The following INPP5D variants were observed in gnomAD, a reference collection of about 807,000 sequenced individuals.
INPP5D encodes phosphatidylinositol 3,4,5-trisphosphate 5-phosphatase 1.
INPP5D carries 33 observed loss-of-function variants against 122.9 expected under a neutral mutation model. The ratio of observed to expected loss-of-function variants is 0.27; its 90% CI spans 0.20 to 0.36. The LOEUF (loss-of-function observed/expected upper bound fraction) is 0.36, where lower values mean the gene tolerates loss of function less well. Ranked by LOEUF, INPP5D falls within the 10% of genes least tolerant of loss-of-function variation. The pLI is 1.00. For missense variants in INPP5D, 1,053 were observed against 1,412.7 expected, an observed-to-expected ratio of 0.75 and a Z score of 4.08; for synonymous variants, 584 against 576.2, an observed-to-expected ratio of 1.01 and a Z score of -0.19.
chr2:233,184,395 TC>T lies in INPP5D; in HGVS notation c.2162-9del. 1.2e-6 allele frequency: 2 copies of T among 1,613,514 alleles called. No homozygotes were observed. Among genetic ancestry groups the T allele is most frequent in the Non-Finnish European group, 1.7e-6 (2 of 1,179,726 alleles). ...ACATTGTGGAACTGAATCCGTGTTC[TC>T]CCCTGTTCCAGGTCCCGGGACTGTT... On this transcript the variant is annotated splice_polypyrimidine_tract_variant and intron_variant, in intron 19 of 26. Coordinates refer to ENST00000445964, the MANE Select transcript of INPP5D (RefSeq NM_001017915.3).
In INPP5D at chr2:233,146,411, C is replaced by T. The variant is rs545697179; in HGVS notation, c.879C>T (p.Pro293=). The T allele has an allele frequency of 1.7e-5, 12 of 704,318 alleles. No individual in the cohort carries two copies. In the East Asian group the frequency reaches 3.2e-4, roughly 19 times the overall value. 43.6% of individuals were successfully genotyped at this position (704,318 alleles called of 1,614,324 possible). Residue 293 remains proline, a synonymous_variant, in exon 8 of 27, where the codon CCC becomes CCT. Coordinates refer to ENST00000445964, the MANE Select transcript of INPP5D (RefSeq NM_001017915.3). ...LHEGPESPHR[P]SLIPPVTFEV... is the part of the protein sequence containing the mutation. Reference sequence around the variant, plus strand: ...AGGGTCCTGAGTCTCCGCACCGGCCCTCCCTTATCCCTCCAGTCACCTTTG... The same window carrying T: ...AGGGTCCTGAGTCTCCGCACCGGCCTTCCCTTATCCCTCCAGTCACCTTTG...
chr2:233,176,085 G>A (rs1392713127), intron 17 of INPP5D, among the ~76,000 whole-genome samples: 1 of 152,216 alleles, frequency 6.6e-6, no homozygotes, highest in Non-Finnish European at 1.5e-5. Context: ...GTTCCTTTAT[G>A]TTTGTAGACA....
intron 9 of INPP5D, among the ~76,000 whole-genome samples, chr2:233,152,281 A>T (rs1420934376): frequency 6.6e-6 from 1 of 152,150 alleles, no homozygotes; most frequent in Non-Finnish European, 1.5e-5. Context: ...TGGTTGCAAG[A>T]GTTGGAGCTT....
intron 2 of INPP5D, among the ~76,000 whole-genome samples, chr2:233,118,657 T>C (rs1653719735): frequency 6.6e-6 from 1 of 151,776 alleles, no homozygotes; most frequent in African/African-American, 2.4e-5. Context: ...GGGTGCTTCC[T>C]GCGGGCCCAC....
Position 233,193,887 on chromosome 2 carries a change from G to C in INPP5D, c.2522G>C (p.Gly841Ala). ...ATCTACACGCCTCTCACCCACCATGGGGAGTTGACAGGCCACTTCCAGGGG... is the reference window on the plus strand; with the variant it reads ...ATCTACACGCCTCTCACCCACCATGCGGAGTTGACAGGCCACTTCCAGGGG... ...LPIYTPLTHH[G>A]ELTGHFQGEI... The change falls in exon 23 of 27, where the codon GGG becomes GCG. Residue 841 changes from glycine (G) to alanine (A), a missense_variant. Transcript: ENST00000445964. The C allele has an allele frequency of 6.2e-7, 1 of 1,613,928 alleles. No individual in the cohort carries two copies.
chr2:233,196,053 G>T (rs1032678899), intron 24 of INPP5D, among the ~76,000 whole-genome samples: 2 of 152,208 alleles, frequency 1.3e-5, no homozygotes, highest in African/African-American at 2.4e-5. Context: ...CAGCCCAAAA[G>T]GCTGAGGCTG....
chr2:233,063,913 G>A (rs1691141738), intron 1 of INPP5D, among the ~76,000 whole-genome samples: 1 of 152,280 alleles, frequency 6.6e-6, no homozygotes, highest in Non-Finnish European at 1.5e-5. Flanking sequence ...GGTACATCGT[G>A]GGTGGGAGAC....
At chr2:233,110,220 T>C (rs1692582767) in intron 2 of INPP5D, among the ~76,000 whole-genome samples, 1 of 151,790 alleles carries the variant, frequency 6.6e-6, no homozygotes, top group Non-Finnish European at 1.5e-5. Flanking sequence ...CCTGACTAAT[T>C]TTTTTTGTAT....
intron 9 of INPP5D, among the ~76,000 whole-genome samples, chr2:233,156,325 C>G (rs893861954): frequency 7.2e-5 from 11 of 152,220 alleles, no homozygotes; most frequent in African/African-American, 2.2e-4. Flanking sequence ...GAGTCTCACT[C>G]TGTCGCCAGG....
intron 17 of INPP5D, among the ~76,000 whole-genome samples, chr2:233,175,967 C>T (rs1694614227): frequency 6.6e-6 from 1 of 152,146 alleles, no homozygotes; most frequent in South Asian, 2.1e-4. Context: ...CAGGCATGAG[C>T]CACCATGCCC....
intron 24 of INPP5D, 52 bp downstream of exon 24, chr2:233,195,547 G>A: frequency 6.2e-7 from 1 of 1,610,826 alleles, no homozygotes; most frequent in African/African-American, 1.3e-5. Flanking sequence ...AGGGACTCAT[G>A]ACAAATTAGC....
intron 1 of INPP5D, among the ~76,000 whole-genome samples, chr2:233,068,412 G>A (rs73094968): frequency 0.097 from 14,697 of 151,828 alleles, 1,429 homozygotes; most frequent in East Asian, 0.27. Context: ...GGCCAACACA[G>A]TGAAACCCTG....
At chr2:233,065,144 C>G (rs180771506) in intron 1 of INPP5D, among the ~76,000 whole-genome samples, 2 of 152,270 alleles carry the variant, frequency 1.3e-5, no homozygotes, top group African/African-American at 4.8e-5. Context: ...TGACGCAGAG[C>G]AAGCATGTTA....
intron 8 of INPP5D, among the ~76,000 whole-genome samples, 193 bp from the exon 9 acceptor site, chr2:233,147,278 A>T (rs1693788466): frequency 6.6e-6 from 1 of 152,214 alleles, no homozygotes. Flanking sequence ...GGATGCCCCT[A>T]GAGTCTCTGT....
At chr2:233,159,740 C>T (rs1694153282) in intron 10 of INPP5D, among the ~76,000 whole-genome samples, 2 of 149,128 alleles carry the variant, frequency 1.3e-5, no homozygotes, top group Admixed American at 6.7e-5. Context: ...GGGTGTCCAT[C>T]ACATCAGGTG....
intron 8 of INPP5D, 127 bp downstream of exon 8, chr2:233,146,565 A>T (rs903888415): frequency 1.2e-5 from 8 of 675,210 alleles, no homozygotes; most frequent in Non-Finnish European, 1.9e-5. Context: ...GCATTAGCCA[A>T]GAATGGCAGT....
At chr2:233,167,097 C>T (rs1694362190) in intron 13 of INPP5D, among the ~76,000 whole-genome samples, 1 of 151,004 alleles carries the variant, frequency 6.6e-6, no homozygotes, top group South Asian at 2.1e-4. Flanking sequence ...CCCTGCTAGG[C>T]ACGATGGCTC....
At chr2:233,076,827 C>T (rs1371366532) in intron 1 of INPP5D, among the ~76,000 whole-genome samples, 1 of 152,196 alleles carries the variant, frequency 6.6e-6, no homozygotes, top group East Asian at 1.9e-4. Context: ...ATTCTCACCT[C>T]TCAGATTTGC....
At chr2:233,169,668 G>C in intron 14 of INPP5D, 1 of 593,054 alleles carries the variant, frequency 1.7e-6, no homozygotes, top group South Asian at 2.2e-5. Flanking sequence ...TGTTTCTAAA[G>C]CAGAAAGCCT....
Sources: allele counts gnomAD v4.1 joint callset (sites outside exome capture counted in the v4.1 genomes callset), GRCh38; gene constraint gnomAD v4.1.1; transcripts MANE v1.5; gene names NCBI Gene and HGNC (gene_info 2026-07-23, HGNC 2026-07-21).